The following GALNT14 variants were observed in gnomAD, a reference collection of about 807,000 sequenced individuals.
GALNT14 encodes the protein UDP-GalNAc:polypeptide N-acetylgalactosaminyltransferase 14.
In GALNT14, 60 loss-of-function variants were observed where a neutral mutation model predicts 77.5. The ratio of observed to expected loss-of-function variants is 0.77; its 90% CI spans 0.63 to 0.96. GALNT14 has a LOEUF of 0.96. Among genes scored for constraint, GALNT14 ranks in the 40% least tolerant of loss-of-function variants. GALNT14 has a pLI of 0.00. For missense variants in GALNT14, 710 were observed against 731.0 expected (o/e 0.97, Z 0.33); for synonymous variants, 280 against 281.7 (o/e 0.99, Z 0.06).
At chr2:31,023,880 C>T (rs10198054) in intron 1 of GALNT14, among the ~76,000 whole-genome samples, 48,404 of 151,952 alleles carry the variant, frequency 0.32, 7,969 homozygotes, top group East Asian at 0.45. Flanking sequence ...CTCATTTAGT[C>T]CCAAGGATTT....
At chr2:31,017,855 GAACT>G (rs1328587180) in intron 1 of GALNT14, among the ~76,000 whole-genome samples, 2 of 152,214 alleles carry the variant, frequency 1.3e-5, no homozygotes, top group Non-Finnish European at 2.9e-5. Flanking sequence ...TTGCCACTGT[GAACT>G]AACTGAACCC....
chr2:30,947,401 G>C (rs1352043721), intron 6 of GALNT14, among the ~76,000 whole-genome samples: 1 of 152,158 alleles, frequency 6.6e-6, no homozygotes, highest in African/African-American at 2.4e-5. Context: ...TCAAAATCAT[G>C]CAGGAAACAT....
At chr2:31,100,923 A>C (rs1677242585) in intron 1 of GALNT14, among the ~76,000 whole-genome samples, 1 of 152,080 alleles carries the variant, frequency 6.6e-6, no homozygotes, top group Admixed American at 6.6e-5. Flanking sequence ...CTATTTTATA[A>C]TGGAGTGTTA....
chr2:31,028,285 T>G (rs905898977), intron 1 of GALNT14, among the ~76,000 whole-genome samples: 1 of 152,116 alleles, frequency 6.6e-6, no homozygotes, highest in Non-Finnish European at 1.5e-5. Flanking sequence ...TCTGAGGTGA[T>G]GATGAGCCTC....
the GALNT14 span, among the ~76,000 whole-genome samples, chr2:30,891,274 C>A: frequency 3.3e-5 from 5 of 152,134 alleles, no homozygotes; most frequent in Non-Finnish European, 7.3e-5. Context: ...GATGCACTGT[C>A]AGAAGAGATT....
chr2:31,121,307 A>C (rs894753800), intron 1 of GALNT14, among the ~76,000 whole-genome samples: 4 of 152,208 alleles, frequency 2.6e-5, no homozygotes, highest in South Asian at 4.1e-4. Context: ...GAAAAGCCAG[A>C]ATCAAGCCTG....
intron 1 of GALNT14, among the ~76,000 whole-genome samples, chr2:31,022,916 C>A (rs188677098): frequency 1.3e-5 from 2 of 152,312 alleles, no homozygotes; most frequent in Non-Finnish European, 2.9e-5. Context: ...TATCAGCATG[C>A]GCTCTGTCTG....
intron 1 of GALNT14, among the ~76,000 whole-genome samples, chr2:31,068,870 A>G (rs1457139880): frequency 6.6e-6 from 1 of 152,258 alleles, no homozygotes; most frequent in Non-Finnish European, 1.5e-5. Context: ...CCTTGAGAAC[A>G]TCATGGTAAA....
At chr2:30,986,765 A>G (rs1224093182) in intron 2 of GALNT14, among the ~76,000 whole-genome samples, 1 of 151,984 alleles carries the variant, frequency 6.6e-6, no homozygotes, top group African/African-American at 2.4e-5. Flanking sequence ...CACATCACCT[A>G]CCTCCCACCC....
chr2:30,910,869 C>T lies in GALNT14; in HGVS notation c.*32G>A. 1.2e-6 allele frequency: 2 copies of T among 1,609,390 alleles called. No homozygotes were observed. Among genetic ancestry groups the T allele is most frequent in the African/African-American group, 1.3e-5 (1 of 74,902 alleles). ...CTGTTCTGGTCCAGGGAAGCACCAC[C>T]CCATGGCCCTTGCTGCTTCTGGCAG... On this transcript the variant is annotated 3_prime_UTR_variant, in exon 15 of 15. Coordinates refer to ENST00000349752, the MANE Select transcript of GALNT14 (RefSeq NM_024572.4).
intron 1 of GALNT14, among the ~76,000 whole-genome samples, chr2:31,099,998 A>T (rs1677184872): frequency 6.6e-6 from 1 of 152,022 alleles, no homozygotes; most frequent in African/African-American, 2.4e-5. Flanking sequence ...TCCATCCATG[A>T]GCAATCTTTC....
At chr2:31,071,560 G>A (rs1675368004) in intron 1 of GALNT14, among the ~76,000 whole-genome samples, 1 of 152,056 alleles carries the variant, frequency 6.6e-6, no homozygotes, top group South Asian at 2.1e-4. Context: ...GACCCAAAGT[G>A]GTGGAGGCAC....
the GALNT14 span, among the ~76,000 whole-genome samples, chr2:30,893,379 C>T: frequency 0.013 from 1,924 of 151,602 alleles, 14 homozygotes; most frequent in Non-Finnish European, 0.022. Context: ...ACTAGGGAAG[C>T]GAAAAAAATA....
chr2:30,986,365 T>C (rs1669299270), intron 2 of GALNT14, among the ~76,000 whole-genome samples: 1 of 152,114 alleles, frequency 6.6e-6, no homozygotes, highest in African/African-American at 2.4e-5. Context: ...AGAACATACA[T>C]ATGCTTTATC....
intron 1 of GALNT14, among the ~76,000 whole-genome samples, chr2:31,022,125 G>C (rs1238524916): frequency 6.6e-6 from 1 of 152,238 alleles, no homozygotes; most frequent in African/African-American, 2.4e-5. Flanking sequence ...AACAGTGTCA[G>C]AGACTCTGCA....
chr2:30,917,684 C>T (rs1276687221), intron 13 of GALNT14, among the ~76,000 whole-genome samples: 1 of 152,242 alleles, frequency 6.6e-6, no homozygotes, highest in Non-Finnish European at 1.5e-5. Flanking sequence ...ATTTAATTCT[C>T]ATAACCACTA....
At chr2:31,100,868 C>T (rs950854289) in intron 1 of GALNT14, among the ~76,000 whole-genome samples, 1 of 151,998 alleles carries the variant, frequency 6.6e-6, no homozygotes, top group Non-Finnish European at 1.5e-5. Context: ...GAGCTCAGGA[C>T]ACTTACATTA....
chr2:30,974,735 G>A (rs543927551), intron 2 of GALNT14, among the ~76,000 whole-genome samples: 13 of 152,178 alleles, frequency 8.5e-5, no homozygotes, highest in Non-Finnish European at 1.6e-4. Flanking sequence ...CCCCATTGCT[G>A]TAATTTATTA....
chr2:31,050,806 T>A (rs1337044287), intron 1 of GALNT14, among the ~76,000 whole-genome samples: 1 of 150,824 alleles, frequency 6.6e-6, no homozygotes, highest in African/African-American at 2.4e-5. Context: ...GCAAATGTGC[T>A]ATTTGGAGGT....
Sources: gnomAD v4.1 joint callset for allele counts (sites outside exome capture counted in the v4.1 genomes callset) on GRCh38, gnomAD v4.1.1 for gene constraint, MANE v1.5 for transcripts, NCBI Gene and HGNC (gene_info 2026-07-23, HGNC 2026-07-21) for gene names.